The following DCHS1 variants were observed in gnomAD, a reference collection of about 807,000 sequenced individuals.
DCHS1 encodes protocadherin-16.
Under a neutral mutation model 213.9 loss-of-function variants are expected in DCHS1, and 78 were observed. That is an observed-to-expected ratio of 0.36 (90% confidence interval 0.30 to 0.44). The LOEUF is 0.44. DCHS1 is among the 20% of genes least tolerant of loss of function. The probability of loss-of-function intolerance (pLI) is 1.00; values close to 1 mark genes in which losing one functional copy is unlikely to be tolerated. For synonymous variants in DCHS1, 1,828 were observed against 1,873.7 expected (o/e 0.98, Z 0.63); for missense variants, 3,946 against 4,395.9 (o/e 0.90, Z 2.89).
chr11:6,633,074 G>T lies in DCHS1; in HGVS notation c.2456-18C>A. ...CAAGCGACCTAGGGAGGATGAAAAA[G>T]GGATCAGGAAAGAGATGGAGGGGCA... On this transcript the variant is annotated intron_variant, in intron 5 of 20. Transcript: ENST00000299441. The T allele has an allele frequency of 6.3e-7, 1 of 1,579,162 alleles. No homozygotes were observed. The highest frequency in any genetic ancestry group is 1.2e-5 in the South Asian group (1 of 85,522).
In DCHS1 at chr11:6,627,980, T is replaced by C. The variant is rs1448807030; in HGVS notation, c.5372-313A>G. On this transcript the variant is annotated intron_variant, in intron 13 of 20. Transcript: ENST00000299441. This position sits in a 1 kb window ranked among gnomAD's most constrained non-coding sequence, Gnocchi z 5.4. ...GATGTACAGTAGAATTTACAGATGC[T>C]CTATGACGTGATGATATAATGTCTT... Among the ~76,000 whole-genome samples the C allele has an allele frequency of 6.6e-6, 1 of 152,074 alleles. No homozygotes were observed. Among genetic ancestry groups the C allele is most frequent in the African/African-American group, 2.4e-5 (1 of 41,416 alleles).
chr11:6,622,720 G>T lies in DCHS1; in HGVS notation c.8956C>A (p.Leu2986Met). ...SQAAPLASDS[L>M]QKLGREPPSP... is the part of the protein sequence containing the mutation. ...GGTGGCTCCCGGCCCAGTTTCTGCA[G>T]TGAGTCACTGGCTAGGGGTGCTGCC... Residue 2986 changes from leucine (L) to methionine (M), a missense_variant, in exon 21 of 21, where the codon CTG (leucine) becomes ATG (methionine). Leu to Met is a conservative substitution (Grantham distance 15, BLOSUM62 2). Coordinates refer to ENST00000299441, the MANE Select transcript of DCHS1 (RefSeq NM_003737.4). This position sits in a 1 kb window ranked among gnomAD's most constrained non-coding sequence, Gnocchi z 5.4. The T allele has an allele frequency of 6.3e-7, 1 of 1,592,044 alleles. No homozygotes were observed. The highest frequency in any genetic ancestry group is 8.6e-7 in the Non-Finnish European group (1 of 1,169,484).
chr11:6,628,710 G>C lies in DCHS1; in HGVS notation c.5282C>G (p.Pro1761Arg). ...FGSAHLSLEV[P>R]EGQDPQTLTM... ...AAGGGTCTGGGGGTCCTGGCCCTCA[G>C]GCACCTCCAGAGAGAGATGGGCACT... The change falls in exon 13 of 21, where the codon CCT becomes CGT. Residue 1761 changes from proline to arginine, a missense_variant. This residue lies in a region of DCHS1 where 3,384 missense variants were observed against 3,780.1 expected (regional missense o/e 0.90). Coordinates refer to ENST00000299441, the MANE Select transcript of DCHS1 (RefSeq NM_003737.4). The surrounding 1 kb of genome is among the most constrained non-coding windows in gnomAD (Gnocchi z 4.3). 6.2e-7 allele frequency: 1 copy of C among 1,614,048 alleles called. No individual in the cohort carries two copies. The highest frequency in any genetic ancestry group is 8.5e-7 in the Non-Finnish European group (1 of 1,179,908).
chr11:6,636,752 G>A (rs1358026757), intron 2 of DCHS1, among the ~76,000 whole-genome samples: 1 of 152,054 alleles, frequency 6.6e-6, no homozygotes, highest in Non-Finnish European at 1.5e-5. Flanking sequence ...CTTACACACT[G>A]TTCCCTGGAA....
chr11:6,649,752 T>G (rs544038511), intron 1 of DCHS1, among the ~76,000 whole-genome samples: 1 of 151,892 alleles, frequency 6.6e-6, no homozygotes, highest in East Asian at 1.9e-4. Flanking sequence ...GCAGCAAGGG[T>G]TGCCCTAAAT....
chr11:6,639,264 G>C (rs981351347), intron 2 of DCHS1, among the ~76,000 whole-genome samples: 2 of 152,142 alleles, frequency 1.3e-5, no homozygotes, highest in African/African-American at 4.8e-5. Flanking sequence ...GCCAGTATGT[G>C]TCTTTCTCAG....
At chr11:6,635,853 C>T (rs1169328548) in intron 2 of DCHS1, among the ~76,000 whole-genome samples, 1 of 152,228 alleles carries the variant, frequency 6.6e-6, no homozygotes, top group East Asian at 1.9e-4. Flanking sequence ...GGCACAGGGG[C>T]CACTGACTGG....
intron 2 of DCHS1, among the ~76,000 whole-genome samples, chr11:6,636,223 T>C (rs1392183035): frequency 6.6e-6 from 1 of 152,234 alleles, no homozygotes; most frequent in East Asian, 1.9e-4. Flanking sequence ...ATTTATTTAA[T>C]TTATTTTTGA....
At position 6,625,473 on chromosome 11, in the gene DCHS1, A is replaced by G. The variant is rs139398226; in HGVS notation, c.6871T>C (p.Leu2291=). The G allele has an allele frequency of 2.5e-5, 40 of 1,603,538 alleles. No homozygotes were observed. The African/African-American group carries it at 5.2e-4, about 21-fold the overall frequency. ...WELRVSEDAL[L]GSEIAQVTGN... is the part of the protein sequence containing the mutation. ...GTTACCTGTGCAATCTCTGAGCCCA[A>G]TAACGCATCTGGAATACATGAGACT... The change falls in exon 19 of 21, where the codon TTG becomes CTG. Residue 2291 remains leucine (L), a synonymous_variant. Coordinates refer to ENST00000299441, the MANE Select transcript of DCHS1 (RefSeq NM_003737.4). The surrounding 1 kb of genome is among the most constrained non-coding windows in gnomAD (Gnocchi z 5.3).
chr11:6,630,803 C>A lies in DCHS1; in HGVS notation c.3991G>T (p.Ala1331Ser), dbSNP rs1490139193. 1 of 1,541,042 alleles carries A rather than the reference C, an allele frequency of 6.5e-7. No individual in the cohort carries two copies. The highest frequency in any genetic ancestry group is 2.4e-5 in the East Asian group (1 of 41,100). Reference sequence around the variant, plus strand: ...ACCGTCAGCACGACAGGCACTGGTGCCGCTGGGTCCCGCTCTGCGAGATCT... The same window carrying A: ...ACCGTCAGCACGACAGGCACTGGTGACGCTGGGTCCCGCTCTGCGAGATCT... ...PPDLAERDPA[A>S]PVPVVLTVTA... Residue 1331 changes from alanine (A) to serine (S), a missense_variant, in exon 10 of 21, where the codon GCA becomes TCA. Ala to Ser is a moderately conservative substitution (Grantham distance 99, BLOSUM62 1). This residue lies in a region of DCHS1 where 3,384 missense variants were observed against 3,780.1 expected (regional missense o/e 0.90). Coordinates refer to ENST00000299441, the MANE Select transcript of DCHS1 (RefSeq NM_003737.4).
chr11:6,636,082 G>A (rs72911031), intron 2 of DCHS1, among the ~76,000 whole-genome samples: 1 of 152,090 alleles, frequency 6.6e-6, no homozygotes. Context: ...ACTATTTCAA[G>A]GAGAAAAGAA....
In DCHS1 at chr11:6,628,176, A is replaced by G. The variant is rs1564862310; in HGVS notation, c.5371+445T>C. ...ACTTTCCAACAAATTGTTACTTGAA[A>G]TCTTAGTATTTCCTTGTGCTTACAC... On this transcript the variant is annotated intron_variant, in intron 13 of 20. Coordinates refer to ENST00000299441, the MANE Select transcript of DCHS1 (RefSeq NM_003737.4). This position sits in a 1 kb window ranked among gnomAD's most constrained non-coding sequence, Gnocchi z 4.3. 2.0e-5 allele frequency among the ~76,000 whole-genome samples: 3 copies of G among 152,260 alleles called. No individual in the cohort carries two copies. The highest frequency in any genetic ancestry group is 4.4e-5 in the Non-Finnish European group (3 of 68,052).
In DCHS1 at chr11:6,640,581, A is replaced by G; in HGVS notation, c.1033T>C (p.Ser345Pro). 1 of 1,608,640 alleles carries G rather than the reference A, an allele frequency of 6.2e-7. No individual in the cohort carries two copies. Among genetic ancestry groups the G allele is most frequent in the Non-Finnish European group, 8.5e-7 (1 of 1,179,856 alleles). The stretch of plus-strand genomic sequence containing the variant: ...CGCACATGCACAGTCACAAAGGCCG[A>G]GCCCAGCTCAGGGTGAGCCCCACCA... Reference protein sequence around the residue: ...RDGGAHPELGSAFVTVHVRDA... With the variant: ...RDGGAHPELGPAFVTVHVRDA... Residue 345 changes from serine to proline, a missense_variant, in exon 2 of 21, where the codon TCG becomes CCG. Transcript: ENST00000299441. This position sits in a 1 kb window ranked among gnomAD's most constrained non-coding sequence, Gnocchi z 6.5.
rs869312675 is a variant in DCHS1, at chr11:6,630,680, C to T, written c.4114G>A (p.Gly1372Ser). Residue 1372 changes from glycine (G) to serine (S), a missense_variant, in exon 10 of 21, where the codon GGT (glycine) becomes AGT (serine). Coordinates refer to ENST00000299441, the MANE Select transcript of DCHS1 (RefSeq NM_003737.4). The stretch of plus-strand genomic sequence containing the variant: ...GCGAAGGTGCCCTCGGGATCGGCAC[C>T]GCCCACCAGTGTGTAGGTGAGTGCA... Reference protein sequence around the residue: ...VGALTYTLVGGADPEGTFALD... With the variant: ...VGALTYTLVGSADPEGTFALD... The T allele has an allele frequency of 1.4e-5, 22 of 1,534,578 alleles. No homozygotes were observed. The highest frequency in any genetic ancestry group is 1.9e-5 in the Non-Finnish European group (22 of 1,141,446).
At chr11:6,633,271 G>A in intron 5 of DCHS1, 141 bp downstream of exon 5, 3 of 1,031,852 alleles carry the variant, frequency 2.9e-6, no homozygotes, top group East Asian at 2.6e-5. Flanking sequence ...TGTGCCTAAG[G>A]AGGTGTTGGG....
Position 6,622,675 on chromosome 11 carries a change from G to A in DCHS1, c.9001C>T (p.His3001Tyr). The A allele has an allele frequency of 6.3e-7, 1 of 1,594,432 alleles. No individual in the cohort carries two copies. Among genetic ancestry groups the A allele is most frequent in the Admixed American group, 1.7e-5 (1 of 57,158 alleles). Residue 3001 changes from histidine to tyrosine, a missense_variant, in exon 21 of 21, where the codon CAC becomes TAC. His to Tyr is a moderately conservative substitution (Grantham distance 83). Coordinates refer to ENST00000299441, the MANE Select transcript of DCHS1 (RefSeq NM_003737.4). This position sits in a 1 kb window ranked among gnomAD's most constrained non-coding sequence, Gnocchi z 5.4. Reference protein sequence around the residue: ...REPPSPPPSEHLYHQTLPSYG... With the variant: ...REPPSPPPSEYLYHQTLPSYG... Reference sequence around the variant, plus strand: ...CTGGGAAGAGTCTGGTGATAGAGGTGCTCAGAGGGTGGTGGACTAGGTGGC... The same window carrying A: ...CTGGGAAGAGTCTGGTGATAGAGGTACTCAGAGGGTGGTGGACTAGGTGGC...
In DCHS1 at chr11:6,625,297, C is replaced by A; in HGVS notation, c.7047G>T (p.Leu2349=). ...FEQCDRYQLQ[L]LAHDGPHEGR... is the part of the protein sequence containing the mutation. ...CCTCATGAGGCCCATCATGTGCCAGCAGCTGCAGCTGGTAGCGGTCACACT... is the reference window on the plus strand; with the variant it reads ...CCTCATGAGGCCCATCATGTGCCAGAAGCTGCAGCTGGTAGCGGTCACACT... The change falls in exon 19 of 21, where the codon CTG becomes CTT. Residue 2349 remains leucine (L), a synonymous_variant. Transcript: ENST00000299441. The surrounding 1 kb of genome is among the most constrained non-coding windows in gnomAD (Gnocchi z 5.3). 6.2e-7 allele frequency: 1 copy of A among 1,613,856 alleles called. No homozygotes were observed. The highest frequency in any genetic ancestry group is 1.3e-5 in the African/African-American group (1 of 75,050).
intron 2 of DCHS1, among the ~76,000 whole-genome samples, chr11:6,634,729 T>C (rs1241481879): frequency 2.0e-5 from 3 of 151,878 alleles, no homozygotes; most frequent in Admixed American, 2.0e-4. Flanking sequence ...GCACTACACT[T>C]GGGGACCATT....
Position 6,626,103 on chromosome 11 carries a change from G to A in DCHS1, c.6577-29C>T. The A allele has an allele frequency of 6.2e-7, 1 of 1,601,410 alleles. No individual in the cohort carries two copies. The highest frequency in any genetic ancestry group is 1.1e-5 in the South Asian group (1 of 89,040). On this transcript the variant is annotated intron_variant, in intron 16 of 20. Coordinates refer to ENST00000299441, the MANE Select transcript of DCHS1 (RefSeq NM_003737.4). The surrounding 1 kb of genome is among the most constrained non-coding windows in gnomAD (Gnocchi z 5.2). ...GTGAGGGTAGGAGGCTGCTGGGACT[G>A]GTCTGGCCACAGACAAGTCTGACTA...
Sources: allele counts gnomAD v4.1 joint callset (sites outside exome capture counted in the v4.1 genomes callset), GRCh38; gene constraint gnomAD v4.1.1; regional missense constraint gnomAD v4.1.1; non-coding constraint Gnocchi (gnomAD v3.1); transcripts MANE v1.5; gene names NCBI Gene and HGNC (gene_info 2026-07-23, HGNC 2026-07-21).